Variants in CDA observed in about 807,000 individuals in gnomAD.
CDA encodes the protein cytidine deaminase, also known as cytidine aminohydrolase.
In CDA, 7 loss-of-function variants were observed where a neutral mutation model predicts 15.0. The observed-to-expected ratio is 0.47, with a 90% CI of 0.26 to 0.87. The LOEUF is 0.87. Among genes scored for constraint, CDA ranks in the 40% least tolerant of loss-of-function variants. CDA has a pLI of 0.15. For missense variants in CDA, 159 were observed against 182.7 expected (o/e 0.87, Z 0.75); for synonymous variants, 58 against 73.0 (o/e 0.79, Z 1.05).
intron 3 of CDA, among the ~76,000 whole-genome samples, chr1:20,614,336 T>A (rs1317090870): frequency 6.6e-6 from 1 of 151,924 alleles, no homozygotes; most frequent in Non-Finnish European, 1.5e-5. Flanking sequence ...CAGGGGACAC[T>A]GCAGATTGGG....
chr1:20,594,855 G>T (rs986408169), intron 1 of CDA, among the ~76,000 whole-genome samples: 1 of 152,080 alleles, frequency 6.6e-6, no homozygotes, highest in Non-Finnish European at 1.5e-5. Context: ...CCACGGAAAC[G>T]GAGTCAGCTC....
chr1:20,615,735 TTACACCTG>T lies in CDA; in HGVS notation c.324+1839_324+1846del, dbSNP rs1490393764. Among the ~76,000 whole-genome samples, 14 of 151,400 alleles carry T rather than the reference TTACACCTG, an allele frequency of 9.2e-5. No individual in the cohort carries two copies. The East Asian group carries it at 2.6e-3, about 28-fold the overall frequency. On this transcript the variant is annotated intron_variant, in intron 3 of 3. Coordinates refer to ENST00000375071, the MANE Select transcript of CDA (RefSeq NM_001785.3). ...TACGGCATCTTGTGGGCATGATGGC[TTACACCTG>T]TAAGCCCTGCACTTTGGGAGACTGA...
intron 1 of CDA, among the ~76,000 whole-genome samples, chr1:20,591,398 T>C (rs1217321873): frequency 2.6e-5 from 4 of 152,120 alleles, no homozygotes; most frequent in African/African-American, 4.8e-5. Flanking sequence ...CTTTCACTCA[T>C]AAGTGACACC....
In CDA at chr1:20,599,573, C is replaced by T. The variant is rs928092621; in HGVS notation, c.155-5355C>T. The stretch of plus-strand genomic sequence containing the variant: ...CAGAGGTTGCAGTGAGCCGAAATTA[C>T]GCCACTGCACTCCAGCCTGGGCGAC... On this transcript the variant is annotated intron_variant, in intron 1 of 3. Coordinates refer to ENST00000375071, the MANE Select transcript of CDA (RefSeq NM_001785.3). 5.6e-5 allele frequency among the ~76,000 whole-genome samples: 8 copies of T among 142,088 alleles called. No individual in the cohort carries two copies. In the South Asian group the frequency reaches 6.6e-4, roughly 12 times the overall value. The allele number at this position is 142,088 out of a possible 152,430, so 93.2% of individuals were successfully genotyped here.
chr1:20,617,971 A>G (rs1209559175), intron 3 of CDA, among the ~76,000 whole-genome samples: 1 of 152,112 alleles, frequency 6.6e-6, no homozygotes, highest in Non-Finnish European at 1.5e-5. Flanking sequence ...TGCTGGGAGT[A>G]CAGGCGTGCG....
chr1:20,616,579 C>T (rs1053676632), intron 3 of CDA, among the ~76,000 whole-genome samples: 13 of 152,122 alleles, frequency 8.5e-5, no homozygotes, highest in Non-Finnish European at 1.3e-4. Flanking sequence ...CACAACAGGG[C>T]GCCAAGTCCC....
chr1:20,592,708 T>A (rs2052559348), intron 1 of CDA, among the ~76,000 whole-genome samples: 1 of 152,212 alleles, frequency 6.6e-6, no homozygotes, highest in African/African-American at 2.4e-5. Context: ...ATGAAAGGCT[T>A]CTACTAGGAC....
intron 2 of CDA, among the ~76,000 whole-genome samples, chr1:20,610,267 T>TA (rs1433631997): frequency 1.5e-5 from 1 of 64,736 alleles, no homozygotes; most frequent in Non-Finnish European, 4.4e-5. Flanking sequence ...TTATCTTTTT[T>TA]TTTTTTATTT....
At chr1:20,612,787 A>G (rs186485258) in intron 2 of CDA, among the ~76,000 whole-genome samples, 1 of 152,144 alleles carries the variant, frequency 6.6e-6, no homozygotes, top group East Asian at 1.9e-4. Context: ...TACTAAAATT[A>G]CAAAAATTAG....
At chr1:20,591,732 G>C (rs1340273644) in intron 1 of CDA, among the ~76,000 whole-genome samples, 1 of 152,208 alleles carries the variant, frequency 6.6e-6, no homozygotes, top group Non-Finnish European at 1.5e-5. Flanking sequence ...GGAGGCTTCA[G>C]AGTCAGAGGT....
chr1:20,617,158 T>C (rs973995562), intron 3 of CDA, among the ~76,000 whole-genome samples: 1 of 152,142 alleles, frequency 6.6e-6, no homozygotes, highest in Admixed American at 6.6e-5. Context: ...AACCATTCCA[T>C]GGACCAAGAC....
chr1:20,614,021 T>G (rs1176900980), intron 3 of CDA, 122 bp downstream of exon 3: 110 of 870,362 alleles, frequency 1.3e-4, no homozygotes, highest in Non-Finnish European at 1.9e-6. Context: ...CTGTCCTGTT[T>G]GCTTGGTTGG....
chr1:20,590,808 G>C lies in CDA; in HGVS notation c.154+1525G>C, dbSNP rs2052540883. On this transcript the variant is annotated intron_variant, in intron 1 of 3. Coordinates refer to ENST00000375071, the MANE Select transcript of CDA (RefSeq NM_001785.3). ...GACTGATTGGATGAATGAATGAGATGAGTACGTTTGGAGAAGCAGAAGGAA... is the reference window on the plus strand; with the variant it reads ...GACTGATTGGATGAATGAATGAGATCAGTACGTTTGGAGAAGCAGAAGGAA... 3.3e-5 allele frequency among the ~76,000 whole-genome samples: 5 copies of C among 152,186 alleles called. No homozygotes were observed. In the South Asian group the frequency reaches 1.0e-3, roughly 31 times the overall value.
chr1:20,597,182 C>A (rs903560045), intron 1 of CDA, among the ~76,000 whole-genome samples: 7 of 152,188 alleles, frequency 4.6e-5, no homozygotes, highest in African/African-American at 1.7e-4. Flanking sequence ...GGCGCCGTGG[C>A]TCACATCTGT....
intron 1 of CDA, among the ~76,000 whole-genome samples, chr1:20,596,942 T>C (rs955230381): frequency 6.6e-6 from 1 of 151,990 alleles, no homozygotes; most frequent in African/African-American, 2.4e-5. Flanking sequence ...TAAAATTTTT[T>C]GTAGAGACTG....
intron 3 of CDA, among the ~76,000 whole-genome samples, chr1:20,616,140 C>T (rs528296922): frequency 3.3e-5 from 5 of 152,314 alleles, no homozygotes; most frequent in East Asian, 3.9e-4. Context: ...CCCTGCCAGG[C>T]GGTGACATAT....
At chr1:20,616,512 GA>G (rs1468846252) in intron 3 of CDA, among the ~76,000 whole-genome samples, 3 of 151,936 alleles carry the variant, frequency 2.0e-5, no homozygotes, top group Admixed American at 6.6e-5. Context: ...TCTCACTTGA[GA>G]GGGGCAGAAA....
rs1553143441 is a variant in CDA, at chr1:20,610,269, T to TTA, written c.267-3572_267-3571insAT. On this transcript the variant is annotated intron_variant, in intron 2 of 3. Transcript: ENST00000375071. ...TTCTAGGCACACATTATCTTTTTTT[T>TTA]TTTTATTTTATTTTATTTTTATTTT... Among the ~76,000 whole-genome samples the TTA allele has an allele frequency of 1.4e-3, 179 of 123,476 alleles. 8 individuals are homozygous for TTA. The East Asian group carries it at 0.027, about 19-fold the overall frequency. 81.0% of individuals were successfully genotyped at this position (123,476 alleles called of 152,430 possible). A position where few individuals can be genotyped will look rare whatever the true frequency, so the allele number is the denominator to read the frequency against.
chr1:20,596,261 G>T (rs564467024), intron 1 of CDA, among the ~76,000 whole-genome samples: 3 of 152,206 alleles, frequency 2.0e-5, no homozygotes, highest in Non-Finnish European at 4.4e-5. Context: ...GTGGGAGGAG[G>T]TTAGGAACAT....
Sources: allele counts gnomAD v4.1 joint callset (sites outside exome capture counted in the v4.1 genomes callset), GRCh38; gene constraint gnomAD v4.1.1; transcripts MANE v1.5; gene names NCBI Gene and HGNC (gene_info 2026-07-23, HGNC 2026-07-21).